TFEC: variants seen among roughly 807,000 people sequenced by gnomAD.
TFEC encodes transcription factor EC.
In TFEC, 31 loss-of-function variants were observed where a neutral mutation model predicts 41.6. The observed-to-expected ratio is 0.74, with a 90% CI of 0.56 to 1.01. The LOEUF (loss-of-function observed/expected upper bound fraction) is 1.01, where lower values mean the gene tolerates loss of function less well. TFEC is among the 50% of genes least tolerant of loss of function. TFEC has a pLI of 0.00. For missense variants in TFEC, 402 were observed against 404.1 expected, an observed-to-expected ratio of 0.99 and a Z score of 0.04; for synonymous variants, 143 against 140.6, an observed-to-expected ratio of 1.02 and a Z score of -0.12.
intron 3 of TFEC, among the ~76,000 whole-genome samples, chr7:116,105,071 G>A (rs1012158839): frequency 6.6e-6 from 1 of 152,068 alleles, no homozygotes; most frequent in African/African-American, 2.4e-5. Flanking sequence ...ATTCCCTGCA[G>A]CCCTCCAGTC....
chr7:116,027,100 G>A (rs569846637), intron 1 of TFEC, among the ~76,000 whole-genome samples: 1 of 152,170 alleles, frequency 6.6e-6, no homozygotes, highest in African/African-American at 2.4e-5. Flanking sequence ...AAAGGGAACA[G>A]AGTGTTAACA....
At chr7:116,038,751 T>G (rs1187729628) in intron 3 of TFEC, among the ~76,000 whole-genome samples, 1 of 152,046 alleles carries the variant, frequency 6.6e-6, no homozygotes, top group African/African-American at 2.4e-5. Flanking sequence ...CCTGCCAAAG[T>G]TGTACCATTC....
chr7:116,132,674 C>T (rs929481718), intron 1 of TFEC, among the ~76,000 whole-genome samples: 1 of 152,144 alleles, frequency 6.6e-6, no homozygotes, highest in African/African-American at 2.4e-5. Context: ...TGCAAATATT[C>T]AAACTGTGAA....
chr7:115,988,605 G>A (rs1442415932), intron 1 of TFEC, among the ~76,000 whole-genome samples: 1 of 152,044 alleles, frequency 6.6e-6, no homozygotes, highest in African/African-American at 2.4e-5. Context: ...GATGTAACAT[G>A]TGCACAGTGG....
At chr7:116,038,961 G>A (rs541425841) in intron 3 of TFEC, among the ~76,000 whole-genome samples, 89 of 152,180 alleles carry the variant, frequency 5.8e-4, no homozygotes, top group Admixed American at 8.5e-4. Flanking sequence ...ACTGAGAGAC[G>A]AAACGGGATG....
chr7:116,085,900 A>G (rs1797193210), intron 3 of TFEC, among the ~76,000 whole-genome samples: 1 of 151,922 alleles, frequency 6.6e-6, no homozygotes, highest in Non-Finnish European at 1.5e-5. Flanking sequence ...TATTAAATGT[A>G]TCCTTTTAAC....
In TFEC at chr7:116,155,389, T is replaced by A. The variant is rs2116487733; in HGVS notation, c.-69+4401A>T. ...TTTTACAAAAGGCAATTTCTCGCTA[T>A]GCTACAGTTGACATATTTCCACGTC... On this transcript the variant is annotated intron_variant, in intron 1 of 8. Coordinates refer to the TFEC transcript ENST00000484212. 2.6e-5 allele frequency among the ~76,000 whole-genome samples: 4 copies of A among 152,342 alleles called. No homozygotes were observed. The South Asian group carries it at 8.3e-4, about 32-fold the overall frequency.
At chr7:116,075,383 C>T (rs1278747169) in intron 3 of TFEC, among the ~76,000 whole-genome samples, 1 of 151,994 alleles carries the variant, frequency 6.6e-6, no homozygotes, top group Non-Finnish European at 1.5e-5. Context: ...ATCCACAGAC[C>T]CTTTGAAGGG....
intron 3 of TFEC, among the ~76,000 whole-genome samples, chr7:116,079,969 G>A (rs1460806223): frequency 6.6e-6 from 1 of 152,086 alleles, no homozygotes; most frequent in Admixed American, 6.6e-5. Context: ...CATGGTACTG[G>A]TTTAAAAATA....
chr7:116,093,873 G>C (rs1338161880), intron 3 of TFEC, among the ~76,000 whole-genome samples: 1 of 152,162 alleles, frequency 6.6e-6, no homozygotes, highest in Non-Finnish European at 1.5e-5. Flanking sequence ...ATGTGGTAAT[G>C]TTCACTTGTC....
intron 1 of TFEC, among the ~76,000 whole-genome samples, chr7:116,137,259 T>C (rs1282797642): frequency 1.3e-5 from 2 of 152,152 alleles, no homozygotes; most frequent in South Asian, 2.1e-4. Flanking sequence ...ATCTGAGATA[T>C]TCAATTCTAA....
intron 1 of TFEC, among the ~76,000 whole-genome samples, chr7:116,132,048 C>G (rs1240415258): frequency 6.6e-6 from 1 of 152,102 alleles, no homozygotes. Context: ...CATTTGATGG[C>G]GAGGTCAGAA....
intron 2 of TFEC, among the ~76,000 whole-genome samples, chr7:115,976,281 C>G (rs1177028719): frequency 6.6e-6 from 1 of 151,862 alleles, no homozygotes; most frequent in Admixed American, 6.6e-5. Flanking sequence ...AAAAATTAGC[C>G]AGGCGTGGTG....
chr7:115,984,784 A>C (rs1470940127), intron 1 of TFEC, among the ~76,000 whole-genome samples: 1 of 152,202 alleles, frequency 6.6e-6, no homozygotes, highest in Non-Finnish European at 1.5e-5. Flanking sequence ...TATAAAAACC[A>C]CAATATTTTT....
intron 3 of TFEC, among the ~76,000 whole-genome samples, chr7:116,059,035 A>G (rs1456592333): frequency 7.9e-5 from 12 of 151,826 alleles, no homozygotes; most frequent in Non-Finnish European, 1.5e-5. Flanking sequence ...AAATAAGATC[A>G]GAAGGAAAAT....
Position 116,054,972 on chromosome 7 carries a change from C to G in TFEC, c.198+55736G>C, listed in dbSNP as rs187443088. On this transcript the variant is annotated intron_variant, in intron 3 of 8. Transcript: ENST00000484212. ...TTCCAGGATCTTATAATAATATATT[C>G]ACATGAAAATATGAATGCATATGGC... Among the ~76,000 whole-genome samples, 288 of 152,170 alleles carry G rather than the reference C, an allele frequency of 1.9e-3. 2 individuals are homozygous for G. The highest frequency in any genetic ancestry group is 3.2e-3 in the Non-Finnish European group (216 of 67,948).
chr7:116,101,183 T>G (rs1797594749), intron 3 of TFEC, among the ~76,000 whole-genome samples: 1 of 122,208 alleles, frequency 8.2e-6, no homozygotes. Flanking sequence ...GTCCCCCACT[T>G]TCATGCCCCC....
chr7:116,111,771 A>G (rs1797860705), intron 2 of TFEC, among the ~76,000 whole-genome samples: 1 of 152,068 alleles, frequency 6.6e-6, no homozygotes, highest in Admixed American at 6.6e-5. Context: ...ACATTATATA[A>G]TAACACTAAT....
intron 1 of TFEC, among the ~76,000 whole-genome samples, chr7:116,114,164 CAGTA>C (rs1332995905): frequency 6.6e-6 from 1 of 151,966 alleles, no homozygotes; most frequent in African/African-American, 2.4e-5. Flanking sequence ...AGTAGATACT[CAGTA>C]AGTTACTGTT....
Sources: allele counts gnomAD v4.1 joint callset (sites outside exome capture counted in the v4.1 genomes callset), GRCh38; gene constraint gnomAD v4.1.1; transcripts MANE v1.5; gene names NCBI Gene and HGNC (gene_info 2026-07-23, HGNC 2026-07-21).